Variants in DNAH11 observed in about 807,000 individuals in gnomAD.
The protein encoded by DNAH11 is dynein axonemal heavy chain 11.
A neutral mutation model predicts 526.0 loss-of-function variants in DNAH11; 442 were observed. That is an observed-to-expected ratio of 0.84 (90% CI 0.78 to 0.91). The LOEUF is 0.91. Among genes scored for constraint, DNAH11 ranks in the 40% least tolerant of loss-of-function variants. The pLI, the probability that DNAH11 is intolerant of heterozygous loss-of-function variation, is 0.00. For missense variants in DNAH11, 6,989 were observed against 5,448.7 expected (o/e 1.28, Z -8.90); for synonymous variants, 2,461 against 1,935.9 (o/e 1.27, Z -7.12).
At position 21,606,702 on chromosome 7, in the gene DNAH11, A is replaced by G; in HGVS notation, c.3821A>G (p.Asn1274Ser). The G allele has an allele frequency of 2.5e-6, 4 of 1,610,912 alleles. No homozygotes were observed. Among genetic ancestry groups the G allele is most frequent in the Non-Finnish European group, 3.4e-6 (4 of 1,179,246 alleles). Reference protein sequence around the residue: ...RFRHYAPLGFNAENPYTALDK... With the variant: ...RFRHYAPLGFSAENPYTALDK... ...AGACACTATGCCCCTCTTGGATTTA[A>G]TGCAGAAAATCCATACACAGCGCTT... is the stretch of plus-strand genomic sequence containing the variant. Residue 1274 changes from asparagine to serine, a missense_variant, in exon 20 of 82, where the codon AAT becomes AGT. Coordinates refer to ENST00000409508, the MANE Select transcript of DNAH11 (RefSeq NM_001277115.2).
chr7:21,901,074 G>C lies in DNAH11; in HGVS notation c.13371G>C (p.Met4457Ile). 6.2e-7 allele frequency: 1 copy of C among 1,613,968 alleles called. No individual in the cohort carries two copies. The highest frequency in any genetic ancestry group is 1.3e-5 in the African/African-American group (1 of 75,040). ...EARLKELACP[M>I]PVIFAKATPV... Reference sequence around the variant, plus strand: ...GTCTCAAGGAGCTGGCATGCCCTATGCCGGTCATCTTTGCAAAAGCCACCC... The same window carrying C: ...GTCTCAAGGAGCTGGCATGCCCTATCCCGGTCATCTTTGCAAAAGCCACCC... Residue 4457 changes from methionine (M) to isoleucine (I), a missense_variant, in exon 82 of 82, where the codon ATG (methionine) becomes ATC (isoleucine). Met to Ile is a conservative substitution (Grantham distance 10). Coordinates refer to ENST00000409508, the MANE Select transcript of DNAH11 (RefSeq NM_001277115.2).
Position 21,631,220 on chromosome 7 carries a change from G to A in DNAH11, c.4501-4651G>A, listed in dbSNP as rs117688432. 6.6e-3 allele frequency among the ~76,000 whole-genome samples: 1,011 copies of A among 152,236 alleles called. 33 individuals are homozygous for A. Among genetic ancestry groups the A allele is most frequent in the South Asian group, 0.064 (309 of 4,824 alleles). On this transcript the variant is annotated intron_variant, in intron 25 of 81. Transcript: ENST00000409508. ...AACAGCATGGGAAGGACCTGCCTCC[G>A]TGATTCAGTTACCTCCCACTGGGTC...
chr7:21,808,088 T>G lies in DNAH11; in HGVS notation c.10332+39T>G, dbSNP rs529096155. Reference sequence around the variant, plus strand: ...CTTACCTTGTCAGCAGGTAGAAAGATCACATTGAAATTTCAGTAGTAAAAC... The same window carrying G: ...CTTACCTTGTCAGCAGGTAGAAAGAGCACATTGAAATTTCAGTAGTAAAAC... On this transcript the variant is annotated intron_variant, in intron 63 of 81. Coordinates refer to ENST00000409508, the MANE Select transcript of DNAH11 (RefSeq NM_001277115.2). 1.2e-5 allele frequency: 16 copies of G among 1,357,534 alleles called. No homozygotes were observed. In the South Asian group the frequency reaches 3.2e-4, roughly 27 times the overall value. The allele number at this position is 1,357,534 out of a possible 1,614,324, so 84.1% of individuals were successfully genotyped here.
intron 62 of DNAH11, among the ~76,000 whole-genome samples, chr7:21,804,355 C>G (rs185508675): frequency 6.6e-6 from 1 of 152,096 alleles, no homozygotes; most frequent in Admixed American, 6.6e-5. Context: ...GTGATCCACC[C>G]GCCTCAGCCT....
In DNAH11 at chr7:21,582,013, G is replaced by T. The variant is rs72655988; in HGVS notation, c.1702G>T (p.Ala568Ser). The T allele has an allele frequency of 6.2e-7, 1 of 1,603,530 alleles. No individual in the cohort carries two copies. Among genetic ancestry groups the T allele is most frequent in the African/African-American group, 1.3e-5 (1 of 74,700 alleles). Residue 568 changes from alanine to serine, a missense_variant, in exon 9 of 82, where the codon GCA (alanine) becomes TCA (serine). Ala to Ser is a moderately conservative substitution (Grantham distance 99). Transcript: ENST00000409508. ...AFFNCNGLEA[A>S]FKLLTIFGNF... ...CTTTAACTGCAATGGCTTAGAAGCTGCATTTAAGGTTAGTTCTGAAGAAGC... is the reference window on the plus strand; with the variant it reads ...CTTTAACTGCAATGGCTTAGAAGCTTCATTTAAGGTTAGTTCTGAAGAAGC...
chr7:21,683,985 C>CA (rs763285346), intron 32 of DNAH11, 41 bp downstream of exon 32: 2 of 1,596,146 alleles, frequency 1.3e-6, no homozygotes, highest in Non-Finnish European at 1.7e-6. Context: ...AAAAACAACC[C>CA]AAAAAAGTCC....
rs1442930037 is a variant in DNAH11 at position 21,894,872 on chromosome 7, T to C, written c.12934-12T>C. ...AAGATATTCACTGTGTGGCTTTTTT[T>C]CTCCATGCAAGGGGGAATTGGCATT... On this transcript the variant is annotated splice_polypyrimidine_tract_variant and intron_variant, in intron 78 of 81. Coordinates refer to ENST00000409508, the MANE Select transcript of DNAH11 (RefSeq NM_001277115.2). The C allele has an allele frequency of 1.2e-6, 2 of 1,613,650 alleles. No homozygotes were observed. Among genetic ancestry groups the C allele is most frequent in the Non-Finnish European group, 1.7e-6 (2 of 1,179,674 alleles).
In DNAH11 at chr7:21,564,276, G is replaced by A. The variant is rs1427393462; in HGVS notation, c.1073G>A (p.Arg358His). The A allele has an allele frequency of 1.5e-5, 24 of 1,613,468 alleles. No individual in the cohort carries two copies. Among genetic ancestry groups the A allele is most frequent in the African/African-American group, 2.7e-5 (2 of 75,000 alleles). The change falls in exon 6 of 82, where the codon CGC becomes CAC. Residue 358 changes from arginine to histidine, a missense_variant. By Grantham distance (29) the Arg-to-His change is conservative (BLOSUM62 0). Coordinates refer to ENST00000409508, the MANE Select transcript of DNAH11 (RefSeq NM_001277115.2). ...CLQETEFPQT[R>H]ILIAPLFHTI... ...CAGGAGACGGAATTCCCACAGACACGCATATTAATCGCTCCATTATTTCAT... is the reference window on the plus strand; with the variant it reads ...CAGGAGACGGAATTCCCACAGACACACATATTAATCGCTCCATTATTTCAT...
Position 21,900,060 on chromosome 7 carries a change from A to C in DNAH11, c.13243A>C (p.Lys4415Gln), listed in dbSNP as rs372325290. ...RLTADVTKKT[K>Q]EDYGHPPREG... ...GACTGCTGATGTTACCAAAAAAACAAAGGAAGATTATGGACACCCGCCAAG... is the reference window on the plus strand; with the variant it reads ...GACTGCTGATGTTACCAAAAAAACACAGGAAGATTATGGACACCCGCCAAG... The change falls in exon 81 of 82, where the codon AAG becomes CAG. Residue 4415 changes from lysine to glutamine, a missense_variant. By Grantham distance (53) the Lys-to-Gln change is moderately conservative (BLOSUM62 1). Transcript: ENST00000409508. 2.0e-4 allele frequency: 328 copies of C among 1,613,834 alleles called. No individual in the cohort carries two copies. Among genetic ancestry groups the C allele is most frequent in the Admixed American group, 4.7e-4 (28 of 60,008 alleles).
chr7:21,568,702 C>G (rs1309601178), intron 6 of DNAH11, among the ~76,000 whole-genome samples: 1 of 152,138 alleles, frequency 6.6e-6, no homozygotes, highest in African/African-American at 2.4e-5. Flanking sequence ...TTAAGCATGA[C>G]TTGTCCTAGG....
intron 46 of DNAH11, among the ~76,000 whole-genome samples, chr7:21,737,970 G>A (rs530621374): frequency 6.6e-6 from 1 of 152,012 alleles, no homozygotes; most frequent in Admixed American, 6.6e-5. Context: ...TCATTTATTT[G>A]TTTGCTCATT....
chr7:21,740,539 G>A (rs750949238), intron 48 of DNAH11, among the ~76,000 whole-genome samples: 1 of 152,108 alleles, frequency 6.6e-6, no homozygotes, highest in Admixed American at 6.6e-5. Context: ...TCCAGTTACG[G>A]CATATTGCAG....
At chr7:21,588,314 T>A in intron 10 of DNAH11, 113 bp downstream of exon 10, 1 of 1,393,326 alleles carries the variant, frequency 7.2e-7, no homozygotes, top group South Asian at 1.5e-5. Context: ...ACTACATTTT[T>A]GTGCTTTTAT....
At chr7:21,647,111 A>G (rs1471184556) in intron 28 of DNAH11, among the ~76,000 whole-genome samples, 1 of 152,234 alleles carries the variant, frequency 6.6e-6, no homozygotes, top group Non-Finnish European at 1.5e-5. Flanking sequence ...AGAGCTTAAT[A>G]TGTGTGCTAG....
At chr7:21,838,411 C>T (rs1399445534) in intron 65 of DNAH11, among the ~76,000 whole-genome samples, 1 of 152,138 alleles carries the variant, frequency 6.6e-6, no homozygotes, top group African/African-American at 2.4e-5. Context: ...ATATAATTCA[C>T]CCACTCAAAG....
chr7:21,740,433 A>G (rs988550863), intron 48 of DNAH11, among the ~76,000 whole-genome samples: 1 of 152,010 alleles, frequency 6.6e-6, no homozygotes, highest in Non-Finnish European at 1.5e-5. Context: ...TGTGTCTATG[A>G]TTTTGACTAT....
intron 35 of DNAH11, among the ~76,000 whole-genome samples, chr7:21,696,519 A>G (rs1290825062): frequency 6.6e-6 from 1 of 152,218 alleles, no homozygotes; most frequent in Non-Finnish European, 1.5e-5. Context: ...TGTAATAACT[A>G]CAGAATAGCT....
At chr7:21,605,923 ATCAGCCTGTACT>A (rs1488644501) in intron 18 of DNAH11, among the ~76,000 whole-genome samples, 9 of 152,204 alleles carry the variant, frequency 5.9e-5, no homozygotes, top group Non-Finnish European at 1.2e-4. Flanking sequence ...GTGCCAGTGA[ATCAGCCTGTACT>A]TCAGCCTTGG....
intron 30 of DNAH11, among the ~76,000 whole-genome samples, chr7:21,678,456 C>T (rs1459182936): frequency 6.6e-6 from 1 of 152,040 alleles, no homozygotes; most frequent in Admixed American, 6.6e-5. Flanking sequence ...ATTACTATAG[C>T]TTTGTAATAT....
Sources: allele counts gnomAD v4.1 joint callset (sites outside exome capture counted in the v4.1 genomes callset), GRCh38; gene constraint gnomAD v4.1.1; transcripts MANE v1.5; gene names NCBI Gene and HGNC (gene_info 2026-07-23, HGNC 2026-07-21).